Variants in DAB1 observed in about 807,000 individuals in gnomAD.
The protein encoded by DAB1 is disabled homolog 1.
Under a neutral mutation model 64.6 loss-of-function variants are expected in DAB1, and 15 were observed. The ratio of observed to expected loss-of-function variants is 0.23; its 90% CI spans 0.16 to 0.36. DAB1 has a LOEUF of 0.36. DAB1 is among the 10% of genes least tolerant of loss of function. The pLI, the probability that DAB1 is intolerant of heterozygous loss-of-function variation, is 1.00. For missense variants in DAB1, 596 were observed against 706.7 expected (o/e 0.84, Z 1.78); for synonymous variants, 235 against 251.9 (o/e 0.93, Z 0.64).
At chr1:57,932,413 T>C (rs796496190) in intron 5 of DAB1, among the ~76,000 whole-genome samples, 8 of 152,240 alleles carry the variant, frequency 5.3e-5, no homozygotes, top group African/African-American at 1.9e-4. Flanking sequence ...GCAATTCTCC[T>C]GCCTCAGCCT....
rs560312749 is a variant in DAB1 at position 57,696,754 on chromosome 1, C to T, written n.552-47089G>A. Among the ~76,000 whole-genome samples, 16 of 152,284 alleles carry T rather than the reference C, an allele frequency of 1.1e-4. No homozygotes were observed. The South Asian group carries it at 3.3e-3, about 32-fold the overall frequency. On this transcript the variant is annotated intron_variant and non_coding_transcript_variant, in intron 6 of 20. Coordinates refer to the DAB1 transcript ENST00000485760. ...AAAACAGGTGATTGACTCCTTTTAC[C>T]TTCTTTGAGTGTTTACATACTTCAT... is the stretch of plus-strand genomic sequence containing the variant.
At chr1:58,346,189 TG>T (rs1419029461) in intron 3 of DAB1, among the ~76,000 whole-genome samples, 103 of 152,308 alleles carry the variant, frequency 6.8e-4, no homozygotes, top group African/African-American at 2.4e-3. Context: ...TGCAGATGAA[TG>T]GGCAGGCGGC....
At chr1:58,404,519 A>T (rs1644598849) in intron 3 of DAB1, among the ~76,000 whole-genome samples, 1 of 152,220 alleles carries the variant, frequency 6.6e-6, no homozygotes, top group Non-Finnish European at 1.5e-5. Context: ...ATCCCTTGTC[A>T]GCCTTCAGGG....
chr1:58,401,843 T>C (rs1644572113), intron 3 of DAB1, among the ~76,000 whole-genome samples: 1 of 152,256 alleles, frequency 6.6e-6, no homozygotes, highest in South Asian at 2.1e-4. Flanking sequence ...ATATTCTATA[T>C]TCAGGCTATC....
intron 6 of DAB1, among the ~76,000 whole-genome samples, chr1:57,811,697 T>A (rs570567621): frequency 2.7e-4 from 41 of 152,344 alleles, no homozygotes; most frequent in African/African-American, 9.9e-4. Context: ...GTCCTTGCTA[T>A]CATGGGCATG....
At chr1:58,405,319 C>T (rs1304353191) in intron 3 of DAB1, among the ~76,000 whole-genome samples, 1 of 152,186 alleles carries the variant, frequency 6.6e-6, no homozygotes, top group Non-Finnish European at 1.5e-5. Flanking sequence ...TTCTTTGTCA[C>T]ATCATCTTAT....
chr1:57,258,368 C>T (rs1365474313), intron 2 of DAB1, among the ~76,000 whole-genome samples: 1 of 152,016 alleles, frequency 6.6e-6, no homozygotes, highest in Non-Finnish European at 1.5e-5. Flanking sequence ...ATTTTTTTGC[C>T]TGATCAATCA....
intron 5 of DAB1, among the ~76,000 whole-genome samples, chr1:57,962,995 A>G (rs922128664): frequency 6.6e-6 from 1 of 152,028 alleles, no homozygotes; most frequent in Non-Finnish European, 1.5e-5. Flanking sequence ...AACATGCTTC[A>G]TTCCCCCTCC....
intron 5 of DAB1, among the ~76,000 whole-genome samples, chr1:57,989,688 A>G (rs1646299887): frequency 6.6e-6 from 1 of 152,186 alleles, no homozygotes; most frequent in Admixed American, 6.5e-5. Context: ...TAGCCCAAAC[A>G]TGGGGCACCA....
chr1:57,873,668 A>T (rs1196077787), intron 1 of DAB1, among the ~76,000 whole-genome samples: 1 of 152,136 alleles, frequency 6.6e-6, no homozygotes, highest in Non-Finnish European at 1.5e-5. Flanking sequence ...CCAGAGTTCA[A>T]GTTCTAGCTC....
intron 4 of DAB1, among the ~76,000 whole-genome samples, chr1:58,332,979 C>T (rs745484806): frequency 2.0e-5 from 3 of 152,118 alleles, no homozygotes; most frequent in Non-Finnish European, 2.9e-5. Context: ...GGCACAGTCT[C>T]GGCTCACTGC....
intron 1 of DAB1, among the ~76,000 whole-genome samples, chr1:57,398,949 T>C (rs1415524977): frequency 1.3e-5 from 2 of 152,214 alleles, no homozygotes; most frequent in African/African-American, 4.8e-5. Flanking sequence ...CTCCTGGTAT[T>C]GAAGTCCTTC....
intron 6 of DAB1, among the ~76,000 whole-genome samples, chr1:57,664,804 A>G (rs1646427231): frequency 6.6e-6 from 1 of 152,054 alleles, no homozygotes; most frequent in Admixed American, 6.5e-5. Context: ...TGTTTTCTTA[A>G]CATTTTAAGC....
chr1:58,289,337 C>A (rs1390566820), intron 4 of DAB1, among the ~76,000 whole-genome samples: 1 of 152,088 alleles, frequency 6.6e-6, no homozygotes, highest in East Asian at 1.9e-4. Context: ...TGACAAAAGG[C>A]TAAGAGAGGT....
chr1:57,625,785 CA>C (rs1645915475), intron 7 of DAB1, among the ~76,000 whole-genome samples: 1 of 151,988 alleles, frequency 6.6e-6, no homozygotes, highest in African/African-American at 2.4e-5. Context: ...GACCGGGAAT[CA>C]GGGGAGTGGC....
chr1:58,229,707 G>T (rs1019804282), intron 4 of DAB1, among the ~76,000 whole-genome samples: 1 of 152,182 alleles, frequency 6.6e-6, no homozygotes, highest in Non-Finnish European at 1.5e-5. Context: ...CACTGGCAAA[G>T]CACTGGCTAA....
rs79769628 is a variant in DAB1, at chr1:57,999,794, A to G, written n.388-115632T>C. Among the ~76,000 whole-genome samples the G allele has an allele frequency of 1.9e-3, 284 of 152,124 alleles. 11 individuals are homozygous for G. The East Asian group carries it at 0.051, about 27-fold the overall frequency. On this transcript the variant is annotated intron_variant and non_coding_transcript_variant, in intron 5 of 20. Coordinates refer to the DAB1 transcript ENST00000485760. ...CTGCCTTATAAAAAAGACAGTTAAA[A>G]GCAGGGAGGGATGAGGGAGGAAGAG...
chr1:58,505,543 C>T (rs1645974502), intron 3 of DAB1, among the ~76,000 whole-genome samples: 1 of 151,986 alleles, frequency 6.6e-6, no homozygotes, highest in Admixed American at 6.6e-5. Flanking sequence ...GAAAGAAAAG[C>T]CAGAGAGCAA....
At chr1:57,932,020 A>G (rs1644960073) in intron 5 of DAB1, among the ~76,000 whole-genome samples, 1 of 152,066 alleles carries the variant, frequency 6.6e-6, no homozygotes, top group African/African-American at 2.4e-5. Context: ...TTTCACCGCA[A>G]CCCACAAATT....
Sources: allele counts gnomAD v4.1 joint callset (sites outside exome capture counted in the v4.1 genomes callset), GRCh38; gene constraint gnomAD v4.1.1; transcripts MANE v1.5; gene names NCBI Gene and HGNC (gene_info 2026-07-23, HGNC 2026-07-21).